The following ZRANB3 variants were observed in gnomAD, a reference collection of about 807,000 sequenced individuals.
The protein encoded by ZRANB3 is zinc finger RANBP2-type containing 3.
In ZRANB3, 125 loss-of-function variants were observed where a neutral mutation model predicts 133.8. The observed-to-expected ratio is 0.93, with a 90% CI of 0.81 to 1.08. The LOEUF is 1.08. Among genes scored for constraint, ZRANB3 ranks in the 50% least tolerant of loss-of-function variants. The probability of loss-of-function intolerance (pLI) is 0.00; values close to 1 mark genes in which losing one functional copy is unlikely to be tolerated. For synonymous variants in ZRANB3, 387 were observed against 432.7 expected, an observed-to-expected ratio of 0.89 and a Z score of 1.31; for missense variants, 1,229 against 1,275.5, an observed-to-expected ratio of 0.96 and a Z score of 0.56.
chr2:135,398,595 T>C (rs1011570210), intron 2 of ZRANB3, among the ~76,000 whole-genome samples: 7 of 148,008 alleles, frequency 4.7e-5, no homozygotes, highest in Admixed American at 2.1e-4. Flanking sequence ...CTCGGCTCAC[T>C]GCAAGCTCCG....
intron 12 of ZRANB3, among the ~76,000 whole-genome samples, chr2:135,248,969 ATATATGCGGCCAACAAG>A (rs1472433764): frequency 1.3e-5 from 2 of 152,228 alleles, no homozygotes; most frequent in East Asian, 3.8e-4. Context: ...AAAAGAAGAC[ATATATGCGGCCAACAAG>A]TATATGAAGA....
At chr2:135,244,344 G>A (rs1441525565) in intron 12 of ZRANB3, among the ~76,000 whole-genome samples, 2 of 152,074 alleles carry the variant, frequency 1.3e-5, no homozygotes, top group South Asian at 2.1e-4. Flanking sequence ...TGGGGCTCAC[G>A]CCTGTAATCT....
chr2:135,332,899 A>T (rs1684215454), intron 6 of ZRANB3, among the ~76,000 whole-genome samples: 1 of 152,184 alleles, frequency 6.6e-6, no homozygotes, highest in Admixed American at 6.5e-5. Context: ...TTATAAATAT[A>T]GTTTAAGTTC....
chr2:135,286,723 T>G (rs1406087426), intron 8 of ZRANB3, among the ~76,000 whole-genome samples: 1 of 152,164 alleles, frequency 6.6e-6, no homozygotes, highest in East Asian at 1.9e-4. Flanking sequence ...CTTTTGAGAA[T>G]TGTCTATTCA....
chr2:135,391,285 A>G (rs1168004675), intron 2 of ZRANB3, among the ~76,000 whole-genome samples: 1 of 152,004 alleles, frequency 6.6e-6, no homozygotes, highest in African/African-American at 2.4e-5. Context: ...ATTTTATATG[A>G]CTCTCCAGCT....
rs566711710 is a variant in ZRANB3 at position 135,255,166 on chromosome 2, C to T, written c.1539+10368G>A. ...GCTCCTACACTAGGACCCAAAAGAC[C>T]AGACCAAACCAGGATGGAGTAACAC... On this transcript the variant is annotated intron_variant, in intron 12 of 20. Coordinates refer to ENST00000264159, the MANE Select transcript of ZRANB3 (RefSeq NM_032143.4). Among the ~76,000 whole-genome samples, 23 of 152,160 alleles carry T rather than the reference C, an allele frequency of 1.5e-4. No homozygotes were observed. In the South Asian group the frequency reaches 4.8e-3, roughly 32 times the overall value.
intron 2 of ZRANB3, among the ~76,000 whole-genome samples, chr2:135,416,865 T>C: frequency 6.6e-6 from 1 of 152,138 alleles, no homozygotes; most frequent in Non-Finnish European, 1.5e-5. Flanking sequence ...GGGAAAGGAT[T>C]CCCTATTTAA....
chr2:135,363,146 G>A (rs62172183), intron 3 of ZRANB3, among the ~76,000 whole-genome samples: 1 of 152,132 alleles, frequency 6.6e-6, no homozygotes, highest in African/African-American at 2.4e-5. Flanking sequence ...ATCACACAGT[G>A]CCAAAAGAAG....
chr2:135,328,731 CCTGA>C (rs1274341422), intron 6 of ZRANB3, among the ~76,000 whole-genome samples: 2 of 152,166 alleles, frequency 1.3e-5, no homozygotes, highest in African/African-American at 4.8e-5. Context: ...TGTGTTGTTT[CCTGA>C]CTTTTTAATG....
At chr2:135,519,923 G>C (rs939135237) in intron 1 of ZRANB3, among the ~76,000 whole-genome samples, 2 of 152,112 alleles carry the variant, frequency 1.3e-5, no homozygotes, top group Admixed American at 6.6e-5. Context: ...GAGAGGAAGG[G>C]ATCAAAGAGT....
At chr2:135,433,386 T>TA (rs1040890672) in intron 2 of ZRANB3, among the ~76,000 whole-genome samples, 6 of 151,710 alleles carry the variant, frequency 4.0e-5, no homozygotes, top group African/African-American at 9.7e-5. Flanking sequence ...GACCCTGTCT[T>TA]AAAAAAACAA....
intron 2 of ZRANB3, among the ~76,000 whole-genome samples, chr2:135,401,992 T>A (rs1470475412): frequency 2.6e-5 from 4 of 152,158 alleles, no homozygotes; most frequent in Admixed American, 2.0e-4. Flanking sequence ...AACTGAACTA[T>A]TTTTATTTTG....
chr2:135,213,688 A>T (rs1346645619), intron 17 of ZRANB3, among the ~76,000 whole-genome samples: 1 of 152,176 alleles, frequency 6.6e-6, no homozygotes, highest in Non-Finnish European at 1.5e-5. Context: ...CAGGTATACT[A>T]GAATAGTCTT....
At chr2:135,281,485 CA>C (rs1324463578) in intron 8 of ZRANB3, among the ~76,000 whole-genome samples, 1 of 151,748 alleles carries the variant, frequency 6.6e-6, no homozygotes, top group African/African-American at 2.4e-5. Context: ...CTGGGGGTTT[CA>C]AAAAAACATC....
At chr2:135,319,801 C>T (rs949358442) in intron 6 of ZRANB3, among the ~76,000 whole-genome samples, 1 of 152,118 alleles carries the variant, frequency 6.6e-6, no homozygotes, top group African/African-American at 2.4e-5. Flanking sequence ...TAAATCCAAA[C>T]CAAACATACC....
At chr2:135,427,891 A>C (rs1463107216) in intron 2 of ZRANB3, among the ~76,000 whole-genome samples, 1 of 152,206 alleles carries the variant, frequency 6.6e-6, no homozygotes, top group African/African-American at 2.4e-5. Context: ...TCCAGAAATA[A>C]GGCCTCACAC....
intron 6 of ZRANB3, among the ~76,000 whole-genome samples, chr2:135,335,117 A>G (rs900004803): frequency 6.6e-6 from 1 of 152,132 alleles, no homozygotes; most frequent in Non-Finnish European, 1.5e-5. Context: ...TGACCCATTA[A>G]TTAACAATCT....
intron 6 of ZRANB3, among the ~76,000 whole-genome samples, chr2:135,317,934 A>C (rs1160885345): frequency 6.6e-6 from 1 of 152,126 alleles, no homozygotes; most frequent in Non-Finnish European, 1.5e-5. Flanking sequence ...CACATTTGCC[A>C]AAACCCCAGC....
Position 135,494,546 on chromosome 2 carries a change from C to T in ZRANB3, c.161+9783G>A, listed in dbSNP as rs186233830. ...TCAGAGAAGGAGCAGCATATTTGCA[C>T]GGTCATAATATCTCATGTTAATTGT... On this transcript the variant is annotated intron_variant, in intron 2 of 20. Coordinates refer to ENST00000264159, the MANE Select transcript of ZRANB3 (RefSeq NM_032143.4). Among the ~76,000 whole-genome samples the T allele has an allele frequency of 2.1e-3, 323 of 152,124 alleles. 3 individuals carry two copies. The highest frequency in any genetic ancestry group is 4.8e-3 in the South Asian group (23 of 4,802).
Sources: gnomAD v4.1 joint callset for allele counts (sites outside exome capture counted in the v4.1 genomes callset) on GRCh38, gnomAD v4.1.1 for gene constraint, MANE v1.5 for transcripts, NCBI Gene and HGNC (gene_info 2026-07-23, HGNC 2026-07-21) for gene names.